The following INSL6 variants were observed in gnomAD, a reference collection of about 807,000 sequenced individuals.
INSL6 encodes insulin-like peptide INSL6.
Under a neutral mutation model 9.4 loss-of-function variants are expected in INSL6, and 16 were observed. The observed-to-expected ratio is 1.70, with a 90% CI of 1.15 to 2.59. The LOEUF is 2.59. Ranked by LOEUF, INSL6 falls within the 30% of genes most tolerant of loss-of-function variation. The probability of loss-of-function intolerance (pLI) is 0.00; values close to 1 mark genes in which losing one functional copy is unlikely to be tolerated. For missense variants in INSL6, 391 were observed against 257.3 expected (o/e 1.52, Z -3.56); for synonymous variants, 154 against 96.9 (o/e 1.59, Z -3.46).
At chr9:5,130,103 A>G (rs908136173) in intron 3 of INSL6, among the ~76,000 whole-genome samples, 6 of 152,300 alleles carry the variant, frequency 3.9e-5, no homozygotes, top group East Asian at 3.9e-4. Flanking sequence ...AAAGTTGTTA[A>G]TGATCATTAT....
the INSL6 span, among the ~76,000 whole-genome samples, chr9:5,001,073 A>T: frequency 6.6e-6 from 1 of 152,232 alleles, no homozygotes; most frequent in Non-Finnish European, 1.5e-5. Context: ...ATACTGGTAA[A>T]TTCATTTATA....
the INSL6 span, chr9:5,041,882 C>G: frequency 2.3e-6 from 1 of 428,472 alleles, no homozygotes; most frequent in Non-Finnish European, 4.5e-6. Context: ...ACTCCAGCGC[C>G]CATCAGGGCG....
At chr9:5,137,510 T>C (rs1018783510) in intron 2 of INSL6, among the ~76,000 whole-genome samples, 1 of 149,834 alleles carries the variant, frequency 6.7e-6, no homozygotes, top group Non-Finnish European at 1.5e-5. Context: ...ATTTAATATA[T>C]GGTGGTGGGA....
At chr9:5,112,917 G>C in the INSL6 span, 3 of 271,066 alleles carry the variant, frequency 1.1e-5, no homozygotes, top group African/African-American at 4.4e-5. Context: ...ACGCCCACTT[G>C]AGGCCCTGGG....
At chr9:5,087,337 A>G in the INSL6 span, among the ~76,000 whole-genome samples, 3 of 152,200 alleles carry the variant, frequency 2.0e-5, no homozygotes, top group African/African-American at 7.2e-5. Context: ...TCTCATGAGA[A>G]CTATCACGAG....
chr9:4,992,626 A>G, the INSL6 span, among the ~76,000 whole-genome samples: 8 of 152,216 alleles, frequency 5.3e-5, no homozygotes, highest in African/African-American at 9.6e-5. Context: ...CTCAGAGTCC[A>G]GTATCTCATC....
chr9:5,171,238 A>G (rs185666401), intron 1 of INSL6, among the ~76,000 whole-genome samples: 303 of 152,336 alleles, frequency 2.0e-3, no homozygotes, highest in African/African-American at 6.6e-3. Context: ...GACAAAAACC[A>G]CAAGATTATT....
At chr9:5,057,167 A>T in the INSL6 span, among the ~76,000 whole-genome samples, 1 of 151,994 alleles carries the variant, frequency 6.6e-6, no homozygotes, top group Non-Finnish European at 1.5e-5. Context: ...TTGATACATC[A>T]TGTTTCTTGC....
In INSL6 at chr9:5,148,330, G is replaced by A. The variant is rs1399135910; in HGVS notation, c.377-14738C>T. The stretch of plus-strand genomic sequence containing the variant: ...GTGTTATAGTTTCGGCTGTGATCCA[G>A]GAGATGGTGCTTGAGAGCAGTAGGT... On this transcript the variant is annotated intron_variant, in intron 2 of 3. Coordinates refer to the INSL6 transcript ENST00000649639. Among the ~76,000 whole-genome samples the A allele has an allele frequency of 3.9e-5, 6 of 152,288 alleles. No homozygotes were observed. In the South Asian group the frequency reaches 1.0e-3, roughly 26 times the overall value.
intron 1 of INSL6, among the ~76,000 whole-genome samples, chr9:5,177,470 G>A (rs1243499983): frequency 1.3e-5 from 2 of 152,204 alleles, no homozygotes; most frequent in African/African-American, 2.4e-5. Flanking sequence ...GACACACAGA[G>A]CTGTGTGGAG....
chr9:4,992,542 G>T, the INSL6 span, among the ~76,000 whole-genome samples: 1 of 152,110 alleles, frequency 6.6e-6, no homozygotes, highest in South Asian at 2.1e-4. Flanking sequence ...CATCCCTCCT[G>T]TATCTGAAAT....
chr9:5,140,313 A>C (rs1571438), intron 2 of INSL6, among the ~76,000 whole-genome samples: 56,263 of 151,892 alleles, frequency 0.37, 11,507 homozygotes, highest in African/African-American at 0.56. Flanking sequence ...AAAAGCAGCC[A>C]CCATCCCTAA....
the INSL6 span, among the ~76,000 whole-genome samples, chr9:5,075,094 A>G: frequency 5.9e-5 from 9 of 152,182 alleles, no homozygotes; most frequent in Non-Finnish European, 1.2e-4. Context: ...CTTAAATTCT[A>G]TGAAGGCTGA....
chr9:5,058,442 G>A, the INSL6 span, among the ~76,000 whole-genome samples: 72 of 152,254 alleles, frequency 4.7e-4, no homozygotes, highest in African/African-American at 1.7e-3. Flanking sequence ...TCACTATCAT[G>A]AGAACAGCAT....
the INSL6 span, among the ~76,000 whole-genome samples, chr9:5,026,022 A>G: frequency 2.0e-5 from 3 of 151,792 alleles, no homozygotes; most frequent in Non-Finnish European, 4.4e-5. Flanking sequence ...TTTTTTTCTT[A>G]TTATCCTTGA....
chr9:5,037,087 A>G, the INSL6 span, among the ~76,000 whole-genome samples: 1 of 152,242 alleles, frequency 6.6e-6, no homozygotes, highest in Non-Finnish European at 1.5e-5. Context: ...ACATTTATGC[A>G]GCCAAAAGAC....
chr9:5,072,186 G>A, the INSL6 span, among the ~76,000 whole-genome samples: 4 of 152,176 alleles, frequency 2.6e-5, no homozygotes, highest in African/African-American at 9.6e-5. Context: ...TGATTCCCAT[G>A]TAAGCAAATG....
At chr9:5,079,829 T>A in the INSL6 span, among the ~76,000 whole-genome samples, 1,901 of 148,206 alleles carry the variant, frequency 0.013, 21 homozygotes, top group Non-Finnish European at 0.02. Context: ...AAAAAAAAAA[T>A]TTTTTTTTTT....
chr9:5,084,881 T>A, the INSL6 span: 1 of 411,420 alleles, frequency 2.4e-6, no homozygotes, highest in Non-Finnish European at 4.7e-6. Flanking sequence ...CATCAATAAG[T>A]TTGATATCTT....
Sources: allele counts gnomAD v4.1 joint callset (sites outside exome capture counted in the v4.1 genomes callset), GRCh38; gene constraint gnomAD v4.1.1; transcripts MANE v1.5; gene names NCBI Gene and HGNC (gene_info 2026-07-23, HGNC 2026-07-21).